The following LINGO1 variants were observed in gnomAD, a reference collection of about 807,000 sequenced individuals.
LINGO1 encodes the protein leucine-rich repeat and immunoglobulin-like domain-containing nogo receptor-interacting protein 1.
Under a neutral mutation model 37.3 loss-of-function variants are expected in LINGO1, and 11 were observed. That is an observed-to-expected ratio of 0.29 (90% CI 0.19 to 0.49). LINGO1 has a LOEUF of 0.49. Among genes scored for constraint, LINGO1 ranks in the 20% least tolerant of loss-of-function variants. The pLI is 0.99. For synonymous variants in LINGO1, 387 were observed against 403.0 expected (o/e 0.96, Z 0.48); for missense variants, 585 against 878.2 (o/e 0.67, Z 4.22).
chr15:77,672,507 G>T (rs2075268018), intron 3 of LINGO1, among the ~76,000 whole-genome samples: 1 of 152,058 alleles, frequency 6.6e-6, no homozygotes, highest in African/African-American at 2.4e-5. Context: ...GCAGAGTGGG[G>T]TGTCAGGGGG....
chr15:77,719,801 C>T (rs202244790), intron 2 of LINGO1, among the ~76,000 whole-genome samples: 2,130 of 148,366 alleles, frequency 0.014, 73 homozygotes, highest in African/African-American at 0.049. Context: ...CACACACACA[C>T]GCACACTCAC....
intron 3 of LINGO1, among the ~76,000 whole-genome samples, chr15:77,653,834 T>C (rs777812771): frequency 5.9e-5 from 9 of 151,810 alleles, no homozygotes; most frequent in Non-Finnish European, 1.3e-4. Context: ...GGGAAAAGAG[T>C]AACATTTATT....
At chr15:77,802,390 T>C (rs181848395) in intron 1 of LINGO1, among the ~76,000 whole-genome samples, 63 of 151,658 alleles carry the variant, frequency 4.2e-4, no homozygotes, top group Admixed American at 3.2e-3. Flanking sequence ...GTGTGTAGTA[T>C]GTCCTGTGCC....
In LINGO1 at chr15:77,614,431, G is replaced by A. The variant is rs376107804; in HGVS notation, c.1476C>T (p.Asn492=). 4.8e-5 allele frequency: 78 copies of A among 1,611,852 alleles called. No individual in the cohort carries two copies. Among genetic ancestry groups the A allele is most frequent in the African/African-American group, 3.1e-4 (23 of 74,936 alleles). The part of the protein sequence containing the change: ...LEVRYAQVQD[N]GTYLCIAANA... ...TGGCCGCGATGCACAGGTACGTGCC[G>A]TTGTCCTGTACCTGGGCGTAGCGCA... The change falls in exon 2 of 2, where the codon AAC becomes AAT. Residue 492 remains asparagine, a synonymous_variant. Transcript: ENST00000355300.
chr15:77,770,270 A>G (rs1314403123), intron 1 of LINGO1, among the ~76,000 whole-genome samples: 1 of 152,128 alleles, frequency 6.6e-6, no homozygotes, highest in Non-Finnish European at 1.5e-5. Context: ...TGCCCAGAGG[A>G]GTGGATTGTT....
At chr15:77,634,046 CT>C (rs1271784383), upstream of LINGO1, among the ~76,000 whole-genome samples, 1 of 152,206 alleles carries the variant, frequency 6.6e-6, no homozygotes, top group Non-Finnish European at 1.5e-5. Context: ...CTCCTAATAG[CT>C]TGAGTCCACA....
intron 1 of LINGO1, among the ~76,000 whole-genome samples, chr15:77,803,592 T>C (rs2076936296): frequency 6.6e-6 from 1 of 152,104 alleles, no homozygotes; most frequent in Non-Finnish European, 1.5e-5. Context: ...TGGGGCCTAG[T>C]GGGAGGTGGC....
rs983858904 is a variant in LINGO1 at position 77,718,177 on chromosome 15, G to A, written c.-195+16815C>T. ...GGAGCCACCTTCTTCCAGGGCCCAC[G>A]GAGGGGTCTTGCCGTGGCCCTCAGC... On this transcript the variant is annotated intron_variant, in intron 2 of 3. Transcript: ENST00000561686. Among the ~76,000 whole-genome samples, 18 of 150,840 alleles carry A rather than the reference G, an allele frequency of 1.2e-4. 2 individuals are homozygous for A. Among genetic ancestry groups the A allele is most frequent in the African/African-American group, 2.2e-4 (9 of 41,386 alleles).
chr15:77,618,987 C>CA (rs2073834186), intron 1 of LINGO1, among the ~76,000 whole-genome samples: 1 of 152,112 alleles, frequency 6.6e-6, no homozygotes, highest in Admixed American at 6.6e-5. Context: ...AATTATGCTA[C>CA]AAGATGATAA....
chr15:77,621,573 A>G (rs973799337), intron 1 of LINGO1, among the ~76,000 whole-genome samples: 40 of 151,700 alleles, frequency 2.6e-4, no homozygotes, highest in African/African-American at 8.8e-4. Flanking sequence ...AGGCCAGGCC[A>G]GGGGAGGGGC....
At chr15:77,671,572 C>T (rs1040443665) in intron 3 of LINGO1, among the ~76,000 whole-genome samples, 1 of 152,216 alleles carries the variant, frequency 6.6e-6, no homozygotes, top group African/African-American at 2.4e-5. Flanking sequence ...GGGAGAGAGG[C>T]CCCAGCTTTA....
chr15:77,700,060 C>G (rs1447018009), upstream of LINGO1, among the ~76,000 whole-genome samples: 1 of 152,178 alleles, frequency 6.6e-6, no homozygotes, highest in Non-Finnish European at 1.5e-5. Flanking sequence ...CGTTAGCATT[C>G]TCAGGGTTTC....
intron 1 of LINGO1, among the ~76,000 whole-genome samples, chr15:77,783,487 G>A (rs1181833337): frequency 6.6e-6 from 1 of 152,120 alleles, no homozygotes; most frequent in Non-Finnish European, 1.5e-5. Flanking sequence ...AGCAGGTGGG[G>A]CTGACATTCA....
chr15:77,817,049 G>A (rs943513503), intron 1 of LINGO1, among the ~76,000 whole-genome samples: 8 of 12,764 alleles, frequency 6.3e-4, no homozygotes, highest in African/African-American at 7.2e-4. Context: ...GGGAGGAGCA[G>A]GGAGAGGCAG....
intron 2 of LINGO1, among the ~76,000 whole-genome samples, chr15:77,728,656 T>C (rs1466667426): frequency 6.6e-6 from 1 of 152,232 alleles, no homozygotes; most frequent in Non-Finnish European, 1.5e-5. Flanking sequence ...GTCTGCAATG[T>C]GGGCATCACA....
intron 1 of LINGO1, among the ~76,000 whole-genome samples, chr15:77,631,192 C>G (rs780850556): frequency 6.6e-6 from 1 of 152,210 alleles, no homozygotes; most frequent in Non-Finnish European, 1.5e-5. Context: ...AGCCCAGAGC[C>G]GCGGGCCAGG....
At chr15:77,636,052 T>C (rs2074390349), upstream of LINGO1, among the ~76,000 whole-genome samples, 1 of 152,234 alleles carries the variant, frequency 6.6e-6, no homozygotes, top group Non-Finnish European at 1.5e-5. Flanking sequence ...CTCTGCAAGA[T>C]TGGCATTGCT....
chr15:77,671,594 C>T (rs1245230069), intron 3 of LINGO1, among the ~76,000 whole-genome samples: 25 of 152,300 alleles, frequency 1.6e-4, no homozygotes, highest in Non-Finnish European at 1.0e-4. Flanking sequence ...ACCAGCGGTC[C>T]GGTCTCCTTC....
chr15:77,748,716 G>A (rs74815182), intron 1 of LINGO1, among the ~76,000 whole-genome samples: 1,869 of 151,868 alleles, frequency 0.012, 95 homozygotes, highest in Admixed American at 0.093. Flanking sequence ...CTTTTATTGG[G>A]GGTGCGGTGC....
Sources: allele counts gnomAD v4.1 joint callset (sites outside exome capture counted in the v4.1 genomes callset), GRCh38; gene constraint gnomAD v4.1.1; transcripts MANE v1.5; gene names NCBI Gene and HGNC (gene_info 2026-07-23, HGNC 2026-07-21).